DYRK1A: variants seen among roughly 807,000 people sequenced by gnomAD.
DYRK1A encodes dual specificity tyrosine phosphorylation regulated kinase 1A.
A neutral mutation model predicts 79.7 loss-of-function variants in DYRK1A; 9 were observed. That is an observed-to-expected ratio of 0.11 (90% confidence interval 0.07 to 0.20). DYRK1A has a LOEUF of 0.20. Ranked by LOEUF, DYRK1A falls within the 10% of genes least tolerant of loss-of-function variation. The pLI, the probability that DYRK1A is intolerant of heterozygous loss-of-function variation, is 1.00. For missense variants in DYRK1A, 622 were observed against 956.0 expected (o/e 0.65, Z 4.61); for synonymous variants, 349 against 329.7 (o/e 1.06, Z -0.63).
At chr21:37,421,034 A>G (rs1480373409) in intron 2 of DYRK1A, among the ~76,000 whole-genome samples, 2 of 152,100 alleles carry the variant, frequency 1.3e-5, no homozygotes, top group Non-Finnish European at 2.9e-5. Flanking sequence ...TATTCCACAC[A>G]TGGCTATGTT....
chr21:37,455,186 G>A (rs537377469), intron 2 of DYRK1A, among the ~76,000 whole-genome samples: 13 of 152,112 alleles, frequency 8.5e-5, no homozygotes, highest in African/African-American at 2.9e-4. Context: ...CTGTGTGTGA[G>A]GGCCTGGGCT....
intron 1 of DYRK1A, among the ~76,000 whole-genome samples, chr21:37,388,714 G>A (rs1450274983): frequency 6.7e-6 from 1 of 148,786 alleles, no homozygotes. Context: ...GGGTGATCTC[G>A]GCTCACTGCA....
rs947288523 is a variant in DYRK1A, at chr21:37,524,571, C to T, written c.*12040C>T. ...GTAAACTTGTTTATTGGCCTTTCCACGACAACAGTTGCTCAAAGAGTTGAC... is the reference window on the plus strand; with the variant it reads ...GTAAACTTGTTTATTGGCCTTTCCATGACAACAGTTGCTCAAAGAGTTGAC... On this transcript the variant is annotated 3_prime_UTR_variant, in exon 12 of 12. Transcript: ENST00000647188. The T allele has an allele frequency of 5.3e-5, 8 of 152,182 alleles. No homozygotes were observed. Among genetic ancestry groups the T allele is most frequent in the Non-Finnish European group, 7.3e-5 (5 of 68,038 alleles). 9.4% of individuals were successfully genotyped at this position (152,182 alleles called of 1,614,324 possible). A position where few individuals can be genotyped will look rare whatever the true frequency, so the allele number is the denominator to read the frequency against.
intron 9 of DYRK1A, among the ~76,000 whole-genome samples, chr21:37,499,533 T>C (rs1206870354): frequency 1.3e-5 from 2 of 152,218 alleles, no homozygotes; most frequent in African/African-American, 4.8e-5. Flanking sequence ...CTTAACAATA[T>C]TAAGTCTTCC....
intron 9 of DYRK1A, chr21:37,504,496 A>G (rs777744200): frequency 6.6e-6 from 1 of 152,182 alleles, no homozygotes; most frequent in Non-Finnish European, 1.5e-5. Context: ...GGGTCTTTAA[A>G]AGGCAGTGAT....
intron 2 of DYRK1A, among the ~76,000 whole-genome samples, chr21:37,429,603 G>A (rs896596820): frequency 6.6e-6 from 1 of 152,148 alleles, no homozygotes; most frequent in Non-Finnish European, 1.5e-5. Context: ...CAAGGGGGAG[G>A]TGTGCCCCTG....
intron 1 of DYRK1A, among the ~76,000 whole-genome samples, chr21:37,377,852 T>C (rs1362400882): frequency 6.6e-6 from 1 of 152,182 alleles, no homozygotes; most frequent in Admixed American, 6.5e-5. Flanking sequence ...ATATTTTTGC[T>C]CTTTTAAACA....
Position 37,486,455 on chromosome 21 carries a change from C to A in DYRK1A, c.490-12C>A. On this transcript the variant is annotated splice_polypyrimidine_tract_variant and intron_variant, in intron 5 of 11. Coordinates refer to ENST00000647188, the MANE Select transcript of DYRK1A (RefSeq NM_001347721.2). ...ATTAATGAAATAGAGAATTATTCAT[C>A]TTCTCTTTTAGGTTGTAAAGGCATA... 7.0e-7 allele frequency: 1 copy of A among 1,422,942 alleles called. No homozygotes were observed. The highest frequency in any genetic ancestry group is 9.2e-7 in the Non-Finnish European group (1 of 1,081,252). 88.1% of individuals were successfully genotyped at this position (1,422,942 alleles called of 1,614,324 possible).
intron 1 of DYRK1A, among the ~76,000 whole-genome samples, chr21:37,376,960 T>G (rs1473520645): frequency 6.6e-6 from 1 of 152,162 alleles, no homozygotes; most frequent in Non-Finnish European, 1.5e-5. Context: ...ATATTATACT[T>G]TTAGTATGTA....
intron 8 of DYRK1A, among the ~76,000 whole-genome samples, chr21:37,495,152 TTGTGTGTGTGTGTGTGTG>T (rs56226706): frequency 1.1e-3 from 156 of 137,732 alleles, no homozygotes; most frequent in South Asian, 2.7e-3. Context: ...CTCTGGGATT[TTGTGTGTGTGTGTGTGTG>T]TGTGTGTGTG....
intron 8 of DYRK1A, among the ~76,000 whole-genome samples, chr21:37,495,585 T>C (rs1207705040): frequency 6.6e-6 from 1 of 151,928 alleles, no homozygotes; most frequent in East Asian, 1.9e-4. Flanking sequence ...TGAGCCGAGA[T>C]TGCGCCACCG....
In DYRK1A at chr21:37,519,736, G is replaced by GTTTTTTTTGTTTTTTTTTTTTTT. The variant is rs58947386; in HGVS notation, c.*7213_*7214insGTTTTTTTTTTTTTTTTTTTTTT. The GTTTTTTTTGTTTTTTTTTTTTTT allele has an allele frequency of 1.6e-4, 14 of 85,796 alleles. 1 individual carries two copies. Among genetic ancestry groups the GTTTTTTTTGTTTTTTTTTTTTTT allele is most frequent in the African/African-American group, 6.3e-4 (13 of 20,608 alleles). 5.3% of individuals were successfully genotyped at this position (85,796 alleles called of 1,614,324 possible). A position where few individuals can be genotyped will look rare whatever the true frequency, so the allele number is the denominator to read the frequency against. ...AGAGTTTTGAGGTTTGTTGTGGGAAGTTTTTTTTTTTTTTTTTTTTTTTGA... is the reference window on the plus strand; with the variant it reads ...AGAGTTTTGAGGTTTGTTGTGGGAAGTTTTTTTTGTTTTTTTTTTTTTTTTTTTTTTTTTTTTTTTTTTTTTGA... On this transcript the variant is annotated 3_prime_UTR_variant, in exon 12 of 12. Coordinates refer to ENST00000647188, the MANE Select transcript of DYRK1A (RefSeq NM_001347721.2).
At chr21:37,409,662 T>C (rs776918607) in intron 1 of DYRK1A, among the ~76,000 whole-genome samples, 3 of 152,176 alleles carry the variant, frequency 2.0e-5, no homozygotes, top group Non-Finnish European at 4.4e-5. Context: ...TTATAAAAAT[T>C]GCGATACATT....
At chr21:37,464,865 TAA>T (rs1416618918) in intron 2 of DYRK1A, among the ~76,000 whole-genome samples, 1 of 152,200 alleles carries the variant, frequency 6.6e-6, no homozygotes, top group African/African-American at 2.4e-5. Flanking sequence ...GATAGAAACT[TAA>T]GAGTAAAAAC....
chr21:37,502,798 C>G (rs1013089180), intron 9 of DYRK1A: 1 of 152,064 alleles, frequency 6.6e-6, no homozygotes, highest in Non-Finnish European at 1.5e-5. Flanking sequence ...TAAGCTATCC[C>G]GATAAATTCT....
intron 2 of DYRK1A, among the ~76,000 whole-genome samples, chr21:37,467,034 A>G (rs1002273785): frequency 6.6e-6 from 1 of 151,968 alleles, no homozygotes; most frequent in South Asian, 2.1e-4. Context: ...GAAAATCTGA[A>G]TAGTCCTATT....
intron 1 of DYRK1A, among the ~76,000 whole-genome samples, chr21:37,387,795 T>A (rs2049789133): frequency 6.6e-6 from 1 of 152,224 alleles, no homozygotes; most frequent in African/African-American, 2.4e-5. Flanking sequence ...CTTTCATTTT[T>A]AAAAGTTTTG....
rs1601351553 is a variant in DYRK1A, at chr21:37,525,036, T to G, written c.*12505T>G. On this transcript the variant is annotated 3_prime_UTR_variant, in exon 12 of 12. Coordinates refer to ENST00000647188, the MANE Select transcript of DYRK1A (RefSeq NM_001347721.2). ...ATCGCTTGAACCCAGGAGGTGGAGG[T>G]TGCAGTGAGCTGAGATTGCACCACT... 1 of 152,202 alleles carries G rather than the reference T, an allele frequency of 6.6e-6. No individual in the cohort carries two copies. Among genetic ancestry groups the G allele is most frequent in the African/African-American group, 2.4e-5 (1 of 41,416 alleles). The allele number at this position is 152,202 out of a possible 1,614,324, so 9.4% of individuals were successfully genotyped here.
At position 37,453,885 on chromosome 21, in the gene DYRK1A, C is replaced by A. The variant is rs1038662129; in HGVS notation, c.11-18799C>A. Among the ~76,000 whole-genome samples, 6 of 152,132 alleles carry A rather than the reference C, an allele frequency of 3.9e-5. No homozygotes were observed. The East Asian group carries it at 1.2e-3, about 29-fold the overall frequency. ...ACATCTTTACTTTGGTATCACTCAG[C>A]TAGAAAAATAAGTACTTTCTATACT... On this transcript the variant is annotated intron_variant, in intron 2 of 11. Transcript: ENST00000647188.
Sources: gnomAD v4.1 joint callset for allele counts (sites outside exome capture counted in the v4.1 genomes callset) on GRCh38, gnomAD v4.1.1 for gene constraint, MANE v1.5 for transcripts, NCBI Gene and HGNC (gene_info 2026-07-23, HGNC 2026-07-21) for gene names.